ASCC3: variants seen among roughly 807,000 people sequenced by gnomAD.
The protein encoded by ASCC3 is activating signal cointegrator 1 complex subunit 3, also known as ASC-1 complex subunit P200.
ASCC3 carries 158 observed loss-of-function variants against 256.3 expected under a neutral mutation model. That is an observed-to-expected ratio of 0.62 (90% CI 0.54 to 0.70). The LOEUF (loss-of-function observed/expected upper bound fraction) is 0.70. ASCC3 is among the 30% of genes least tolerant of loss of function. The pLI is 0.00. For synonymous variants in ASCC3, 948 were observed against 883.4 expected (o/e 1.07, Z -1.30); for missense variants, 2,259 against 2,626.0 (o/e 0.86, Z 3.05).
chr6:100,540,893 T>G (rs1775424173), intron 36 of ASCC3, among the ~76,000 whole-genome samples: 1 of 152,068 alleles, frequency 6.6e-6, no homozygotes, highest in South Asian at 2.1e-4. Flanking sequence ...AGGATAAGAT[T>G]GGCAAGATGA....
At chr6:100,834,014 C>T (rs916897050) in intron 4 of ASCC3, among the ~76,000 whole-genome samples, 6 of 152,120 alleles carry the variant, frequency 3.9e-5, no homozygotes, top group East Asian at 3.9e-4. Context: ...TGCAGTGAGC[C>T]GAGACAGCAC....
intron 13 of ASCC3, among the ~76,000 whole-genome samples, chr6:100,685,173 TACA>T (rs769211945): frequency 6.6e-6 from 1 of 152,126 alleles, no homozygotes; most frequent in Non-Finnish European, 1.5e-5. Context: ...CTGAAAAAGA[TACA>T]ACAATATGGC....
At chr6:100,873,553 T>G (rs1458545524) in intron 1 of ASCC3, among the ~76,000 whole-genome samples, 1 of 152,070 alleles carries the variant, frequency 6.6e-6, no homozygotes, top group African/African-American at 2.4e-5. Context: ...CACAAAAAGA[T>G]CATCGCCTAG....
chr6:100,797,434 T>C (rs1289980096), intron 8 of ASCC3, among the ~76,000 whole-genome samples: 1 of 122,848 alleles, frequency 8.1e-6, no homozygotes, highest in East Asian at 2.5e-4. Flanking sequence ...CATTCCAGCC[T>C]GGGCAACAAG....
chr6:100,786,912 T>G (rs12664423), intron 8 of ASCC3, among the ~76,000 whole-genome samples: 35,086 of 152,118 alleles, frequency 0.23, 4,410 homozygotes, highest in South Asian at 0.46. Flanking sequence ...TAACTGATTA[T>G]CTATATTTAA....
At chr6:100,699,152 A>G (rs1778227045) in intron 13 of ASCC3, among the ~76,000 whole-genome samples, 1 of 152,170 alleles carries the variant, frequency 6.6e-6, no homozygotes, top group Non-Finnish European at 1.5e-5. Context: ...AATGCATCAT[A>G]TGGTTTGGCT....
intron 10 of ASCC3, among the ~76,000 whole-genome samples, chr6:100,732,774 C>T (rs914206003): frequency 1.5e-5 from 1 of 64,926 alleles, no homozygotes; most frequent in African/African-American, 5.3e-5. Context: ...CAATGGTCAT[C>T]TATGTGGTAC....
chr6:100,857,019 C>T (rs1772980234), intron 3 of ASCC3: 1 of 152,128 alleles, frequency 6.6e-6, no homozygotes, highest in African/African-American at 2.4e-5. Flanking sequence ...AACAGTTACT[C>T]AAAGTGGTTG....
In ASCC3 at chr6:100,749,882, T is replaced by A. The variant is rs185039609; in HGVS notation, c.1737+16683A>T. On this transcript the variant is annotated intron_variant, in intron 10 of 41. Transcript: ENST00000369162. ...TTTTATATAAAATTATGTCAAATAATTTTACATATAAAATTAATATTTAAT... is the reference window on the plus strand; with the variant it reads ...TTTTATATAAAATTATGTCAAATAAATTTACATATAAAATTAATATTTAAT... Among the ~76,000 whole-genome samples the A allele has an allele frequency of 3.3e-5, 5 of 151,718 alleles. No homozygotes were observed. In the East Asian group the frequency reaches 9.6e-4, roughly 29 times the overall value.
At chr6:100,541,623 GC>G (rs1463437219) in intron 36 of ASCC3, among the ~76,000 whole-genome samples, 1 of 152,116 alleles carries the variant, frequency 6.6e-6, no homozygotes, top group Non-Finnish European at 1.5e-5. Flanking sequence ...TAAATTAACT[GC>G]ATTCCAGAAC....
At chr6:100,549,095 C>T (rs1769162628) in intron 36 of ASCC3, among the ~76,000 whole-genome samples, 1 of 151,698 alleles carries the variant, frequency 6.6e-6, no homozygotes, top group South Asian at 2.1e-4. Flanking sequence ...CCATGGGTAA[C>T]TGAAACCTGG....
chr6:100,812,962 A>T (rs955552935), intron 4 of ASCC3, among the ~76,000 whole-genome samples: 11 of 121,798 alleles, frequency 9.0e-5, no homozygotes, highest in Non-Finnish European at 1.8e-4. Flanking sequence ...GGATGGACAG[A>T]CAGATAGAAA....
rs1157700348 is a variant in ASCC3, at chr6:100,795,083, T to TTCACA, written c.1395+3625_1395+3629dup. Among the ~76,000 whole-genome samples, 4 of 152,140 alleles carry TTCACA rather than the reference T, an allele frequency of 2.6e-5. No individual in the cohort carries two copies. The East Asian group carries it at 7.7e-4, about 29-fold the overall frequency. On this transcript the variant is annotated intron_variant, in intron 8 of 41. Coordinates refer to ENST00000369162, the MANE Select transcript of ASCC3 (RefSeq NM_006828.4). ...TAGCCATGTGTCAGTAAGAACGCCA[T>TTCACA]TCACATCACATCACAGGGAAAGGAA...
chr6:100,661,969 A>G lies in ASCC3; in HGVS notation c.2540T>C (p.Met847Thr). 1 of 1,613,402 alleles carries G rather than the reference A, an allele frequency of 6.2e-7. No individual in the cohort carries two copies. The highest frequency in any genetic ancestry group is 8.5e-7 in the Non-Finnish European group (1 of 1,179,500). ...SFVDLGILDV[M>T]QIFGRAGRPQ... Reference sequence around the variant, plus strand: ...TCGTCCAGCTCGACCAAATATCTGCATGACATCTAAAATTCCAAGGTCAAC... The same window carrying G: ...TCGTCCAGCTCGACCAAATATCTGCGTGACATCTAAAATTCCAAGGTCAAC... Residue 847 changes from methionine (M) to threonine (T), a missense_variant, in exon 16 of 42, where the codon ATG becomes ACG. By Grantham distance (81) the Met-to-Thr change is moderately conservative. This residue lies in a region of ASCC3 where 1,839 missense variants were observed against 2,206.7 expected (regional missense o/e 0.83). Transcript: ENST00000369162.
At chr6:100,600,226 C>T (rs553013043) in intron 34 of ASCC3, among the ~76,000 whole-genome samples, 56 of 151,848 alleles carry the variant, frequency 3.7e-4, no homozygotes, top group Non-Finnish European at 7.5e-4. Flanking sequence ...CACACACACA[C>T]ACACACACAC....
intron 36 of ASCC3, among the ~76,000 whole-genome samples, chr6:100,585,987 C>G (rs968384959): frequency 5.9e-5 from 9 of 152,138 alleles, no homozygotes; most frequent in African/African-American, 2.2e-4. Flanking sequence ...TCAGTCTGCT[C>G]CTACTGGGGG....
intron 10 of ASCC3, among the ~76,000 whole-genome samples, chr6:100,758,416 G>A (rs541571822): frequency 2.0e-5 from 3 of 151,950 alleles, no homozygotes; most frequent in East Asian, 3.9e-4. Flanking sequence ...TCCCCTCCCT[G>A]TGTCCATGTG....
At chr6:100,646,564 G>A in intron 22 of ASCC3, 51 bp downstream of exon 22, 2 of 1,575,572 alleles carry the variant, frequency 1.3e-6, no homozygotes, top group Non-Finnish European at 1.7e-6. Context: ...AGTTGAGTCT[G>A]TAGTACAGAT....
chr6:100,604,919 A>G (rs1772807364), intron 33 of ASCC3, among the ~76,000 whole-genome samples: 1 of 152,156 alleles, frequency 6.6e-6, no homozygotes, highest in South Asian at 2.1e-4. Context: ...AGTATTTATA[A>G]GTGAAAAATA....
Sources: allele counts gnomAD v4.1 joint callset (sites outside exome capture counted in the v4.1 genomes callset), GRCh38; gene constraint gnomAD v4.1.1; regional missense constraint gnomAD v4.1.1; transcripts MANE v1.5; gene names NCBI Gene and HGNC (gene_info 2026-07-23, HGNC 2026-07-21).